Variants in SPATA17 observed in about 807,000 individuals in gnomAD.
The protein encoded by SPATA17 is spermatogenesis-associated protein 17.
Under a neutral mutation model 62.2 loss-of-function variants are expected in SPATA17, and 53 were observed. The observed-to-expected ratio is 0.85, with a 90% CI of 0.68 to 1.07. The LOEUF (loss-of-function observed/expected upper bound fraction) is 1.07. Among genes scored for constraint, SPATA17 ranks in the 50% least tolerant of loss-of-function variants. SPATA17 has a pLI of 0.00. For synonymous variants in SPATA17, 146 were observed against 146.8 expected (o/e 0.99, Z 0.04); for missense variants, 466 against 425.5 (o/e 1.10, Z -0.84).
intron 8 of SPATA17, among the ~76,000 whole-genome samples, chr1:217,796,596 G>A (rs1674157082): frequency 2.0e-5 from 3 of 152,096 alleles, no homozygotes; most frequent in African/African-American, 2.4e-5. Context: ...TAGTTCATGA[G>A]TTTTAAATTT....
At chr1:217,699,389 T>G (rs1327495282) in intron 5 of SPATA17, among the ~76,000 whole-genome samples, 2 of 152,210 alleles carry the variant, frequency 1.3e-5, no homozygotes, top group African/African-American at 2.4e-5. Flanking sequence ...GTTTAAAAAT[T>G]TTAGCCACTC....
At chr1:217,647,424 G>A (rs1426281855) in intron 1 of SPATA17, among the ~76,000 whole-genome samples, 2 of 152,230 alleles carry the variant, frequency 1.3e-5, no homozygotes, top group Admixed American at 6.5e-5. Context: ...ACAAAGTTGA[G>A]TGTTAGGAGT....
intron 3 of SPATA17, among the ~76,000 whole-genome samples, chr1:217,664,086 G>A (rs957439735): frequency 2.6e-5 from 4 of 151,884 alleles, no homozygotes; most frequent in African/African-American, 9.7e-5. Context: ...TAAAACAGTA[G>A]GTGGAACAGT....
intron 5 of SPATA17, among the ~76,000 whole-genome samples, chr1:217,696,637 G>C (rs937471509): frequency 6.6e-6 from 1 of 152,156 alleles, no homozygotes; most frequent in South Asian, 2.1e-4. Flanking sequence ...TTTATATTCT[G>C]CATCTGATAA....
chr1:217,719,157 G>A (rs574573888), intron 5 of SPATA17, among the ~76,000 whole-genome samples: 1 of 152,342 alleles, frequency 6.6e-6, no homozygotes, highest in East Asian at 1.9e-4. Context: ...GTCCTCTGCA[G>A]TGGCCACCTC....
intron 10 of SPATA17, among the ~76,000 whole-genome samples, chr1:217,865,610 T>C (rs1280684798): frequency 6.6e-6 from 1 of 152,234 alleles, no homozygotes; most frequent in Non-Finnish European, 1.5e-5. Context: ...CAGTGTGTTG[T>C]GTCCTGTCAA....
intron 9 of SPATA17, among the ~76,000 whole-genome samples, chr1:217,822,292 T>C (rs1674883042): frequency 1.3e-5 from 2 of 152,080 alleles, no homozygotes; most frequent in African/African-American, 2.4e-5. Context: ...TTTAAAAACT[T>C]ACATTGTTTT....
chr1:217,732,908 A>G (rs1050546808), intron 5 of SPATA17, among the ~76,000 whole-genome samples: 19 of 152,164 alleles, frequency 1.2e-4, no homozygotes, highest in African/African-American at 4.3e-4. Flanking sequence ...GCAACTCTCT[A>G]GATGATAAAA....
At chr1:217,809,881 T>C (rs1053610530) in intron 9 of SPATA17, among the ~76,000 whole-genome samples, 10 of 145,492 alleles carry the variant, frequency 6.9e-5, no homozygotes, top group Non-Finnish European at 1.1e-4. Flanking sequence ...AAGCTAAATA[T>C]GCTTTTTAAC....
At chr1:217,662,158 A>G (rs1188155814) in intron 3 of SPATA17, among the ~76,000 whole-genome samples, 1 of 152,064 alleles carries the variant, frequency 6.6e-6, no homozygotes, top group African/African-American at 2.4e-5. Context: ...CCTTTTTTAT[A>G]TTTTGTCATT....
chr1:217,684,418 TTTTA>T (rs1474053781), intron 5 of SPATA17, among the ~76,000 whole-genome samples: 1 of 152,138 alleles, frequency 6.6e-6, no homozygotes, highest in Admixed American at 6.5e-5. Flanking sequence ...TATTTTACTC[TTTTA>T]TTTTTTTTTT....
intron 1 of SPATA17, among the ~76,000 whole-genome samples, chr1:217,633,197 CAAATAAATAAATAAATAAAT>C (rs139113077): frequency 1.4e-4 from 20 of 145,744 alleles, no homozygotes; most frequent in African/African-American, 4.8e-4. Context: ...GACTCTGTCT[CAAATAAATAAATAAATAAAT>C]AAATAAATAA....
At chr1:217,722,770 C>T (rs1672166744) in intron 5 of SPATA17, among the ~76,000 whole-genome samples, 1 of 152,210 alleles carries the variant, frequency 6.6e-6, no homozygotes, top group South Asian at 2.1e-4. Flanking sequence ...AAACTGTCTA[C>T]TGGCCCATTG....
intron 3 of SPATA17, among the ~76,000 whole-genome samples, chr1:217,651,796 A>G (rs899339805): frequency 1.3e-5 from 2 of 152,202 alleles, no homozygotes; most frequent in Admixed American, 1.3e-4. Flanking sequence ...GTGCTTTTAT[A>G]CTAGCTATTA....
chr1:217,655,394 G>A (rs1210180402), intron 3 of SPATA17, among the ~76,000 whole-genome samples: 1 of 152,114 alleles, frequency 6.6e-6, no homozygotes, highest in Non-Finnish European at 1.5e-5. Flanking sequence ...TCATCAGTTT[G>A]TCCAATAAAT....
At chr1:217,829,412 G>A (rs1427245178) in intron 9 of SPATA17, among the ~76,000 whole-genome samples, 1 of 151,838 alleles carries the variant, frequency 6.6e-6, no homozygotes, top group African/African-American at 2.4e-5. Context: ...TGGATCATCT[G>A]AGGTCAGGAG....
intron 9 of SPATA17, among the ~76,000 whole-genome samples, chr1:217,839,164 A>T (rs56394867): frequency 0.032 from 4,823 of 152,172 alleles, 110 homozygotes; most frequent in Middle Eastern, 0.065. Context: ...TGCTAAAAGT[A>T]ATGCACATAG....
chr1:217,817,360 G>A (rs1047606565), intron 9 of SPATA17, among the ~76,000 whole-genome samples: 2 of 152,082 alleles, frequency 1.3e-5, no homozygotes, highest in Admixed American at 6.6e-5. Context: ...GTTCTCATAA[G>A]ATCTGACAGT....
intron 1 of SPATA17, among the ~76,000 whole-genome samples, chr1:217,648,598 A>G (rs1318874820): frequency 6.6e-6 from 1 of 152,232 alleles, no homozygotes; most frequent in Non-Finnish European, 1.5e-5. Context: ...CTTACTCCCT[A>G]ATAAAAATCA....
Sources: gnomAD v4.1 joint callset for allele counts (sites outside exome capture counted in the v4.1 genomes callset) on GRCh38, gnomAD v4.1.1 for gene constraint, MANE v1.5 for transcripts, NCBI Gene and HGNC (gene_info 2026-07-23, HGNC 2026-07-21) for gene names.